Variants in SYT14 observed in about 807,000 individuals in gnomAD.
SYT14 encodes the protein synaptotagmin 14.
In SYT14, 32 loss-of-function variants were observed where a neutral mutation model predicts 74.2. The ratio of observed to expected loss-of-function variants is 0.43; its 90% confidence interval spans 0.33 to 0.58. The LOEUF is 0.58. Ranked by LOEUF, SYT14 falls within the 20% of genes least tolerant of loss-of-function variation. SYT14 has a pLI of 0.05. For synonymous variants in SYT14, 298 were observed against 337.7 expected (o/e 0.88, Z 1.29); for missense variants, 791 against 981.8 (o/e 0.81, Z 2.60).
chr1:210,095,765 C>G (rs948740411), intron 6 of SYT14, among the ~76,000 whole-genome samples: 11 of 152,050 alleles, frequency 7.2e-5, no homozygotes, highest in African/African-American at 2.4e-4. Context: ...TAAAACTACT[C>G]TGTATCTGTT....
chr1:209,958,117 AT>A (rs954767802), intron 2 of SYT14, among the ~76,000 whole-genome samples: 6 of 151,976 alleles, frequency 3.9e-5, no homozygotes, highest in African/African-American at 1.4e-4. Flanking sequence ...ACCTAATTTC[AT>A]TTTTTTAATG....
intron 2 of SYT14, among the ~76,000 whole-genome samples, chr1:209,977,244 T>C (rs1278206660): frequency 6.6e-6 from 1 of 152,208 alleles, no homozygotes; most frequent in Non-Finnish European, 1.5e-5. Flanking sequence ...TTTGATCCTG[T>C]CATTATGATG....
intron 7 of SYT14, among the ~76,000 whole-genome samples, chr1:210,117,176 A>T (rs1213652771): frequency 6.6e-6 from 1 of 152,132 alleles, no homozygotes; most frequent in African/African-American, 2.4e-5. Flanking sequence ...TTAATTTCTA[A>T]AATTCCTATG....
At chr1:209,945,396 T>G (rs116095703) in intron 1 of SYT14, among the ~76,000 whole-genome samples, 2,077 of 152,242 alleles carry the variant, frequency 0.014, 16 homozygotes, top group Middle Eastern at 0.041. Context: ...CCTTGAATGG[T>G]CTAATTAGGG....
chr1:209,978,285 T>A (rs1282154701), intron 2 of SYT14, among the ~76,000 whole-genome samples: 1 of 152,160 alleles, frequency 6.6e-6, no homozygotes, highest in Non-Finnish European at 1.5e-5. Flanking sequence ...GGCGCTCTGA[T>A]TTTTAGAGTT....
chr1:210,062,996 T>A (rs2081233066), intron 5 of SYT14, among the ~76,000 whole-genome samples: 1 of 149,584 alleles, frequency 6.7e-6, no homozygotes, highest in African/African-American at 2.5e-5. Context: ...AATATTAGCC[T>A]TTGTTGCATG....
intron 2 of SYT14, among the ~76,000 whole-genome samples, chr1:209,987,561 C>T (rs2079593333): frequency 6.6e-6 from 1 of 152,210 alleles, no homozygotes; most frequent in African/African-American, 2.4e-5. Flanking sequence ...TGTAAAGGAT[C>T]TTCCCCCATG....
chr1:209,952,680 T>C, intron 1 of SYT14, 29 bp from the exon 2 acceptor site: 2 of 1,575,660 alleles, frequency 1.3e-6, no homozygotes. Context: ...TTTCTATGTT[T>C]TTAACTTCCC....
intron 7 of SYT14, among the ~76,000 whole-genome samples, chr1:210,120,544 T>C (rs1558202540): frequency 6.6e-6 from 1 of 152,124 alleles, no homozygotes; most frequent in East Asian, 1.9e-4. Flanking sequence ...TACAGTTGCC[T>C]ACAGTGTTCA....
At chr1:210,019,648 T>C (rs779241356) in intron 4 of SYT14, among the ~76,000 whole-genome samples, 2 of 152,182 alleles carry the variant, frequency 1.3e-5, no homozygotes, top group African/African-American at 4.8e-5. Context: ...ACATATAACC[T>C]CCTTCTAACT....
intron 2 of SYT14, among the ~76,000 whole-genome samples, chr1:210,010,204 G>T (rs553586898): frequency 6.6e-6 from 1 of 152,240 alleles, no homozygotes; most frequent in African/African-American, 2.4e-5. Flanking sequence ...ATTTTTGGAT[G>T]ATATTCAAGG....
At position 210,110,725 on chromosome 1, in the gene SYT14, C is replaced by CTTTATAGAAATATATA. The variant is rs1308744142; in HGVS notation, c.2034+10279_2034+10280insATTTATAGAAATATAT. ...TTCACAAGTCTAATTTAAATCATATCTTTATAGAAATATATTAGATTGTTA... is the reference window on the plus strand; with the variant it reads ...TTCACAAGTCTAATTTAAATCATATCTTTATAGAAATATATATTTATAGAAATATATTAGATTGTTA... On this transcript the variant is annotated intron_variant, in intron 7 of 9. Transcript: ENST00000637265. Among the ~76,000 whole-genome samples the CTTTATAGAAATATATA allele has an allele frequency of 2.0e-4, 30 of 152,254 alleles. No homozygotes were observed. The East Asian group carries it at 5.8e-3, about 29-fold the overall frequency.
At chr1:209,994,625 A>T (rs1322415269) in intron 2 of SYT14, among the ~76,000 whole-genome samples, 1 of 152,198 alleles carries the variant, frequency 6.6e-6, no homozygotes, top group Non-Finnish European at 1.5e-5. Flanking sequence ...ATGTTAATCC[A>T]ATAAATACAG....
intron 2 of SYT14, among the ~76,000 whole-genome samples, chr1:209,980,298 G>A (rs1176606425): frequency 6.6e-6 from 1 of 151,606 alleles, no homozygotes; most frequent in African/African-American, 2.4e-5. Flanking sequence ...CTTTTTAATG[G>A]TTTTTTTCTT....
chr1:210,014,430 T>A (rs936932508), intron 3 of SYT14, among the ~76,000 whole-genome samples: 1 of 147,690 alleles, frequency 6.8e-6, no homozygotes, highest in Non-Finnish European at 1.5e-5. Flanking sequence ...TTTTTTTTTT[T>A]AATTACTACA....
intron 6 of SYT14, among the ~76,000 whole-genome samples, chr1:210,097,836 G>GT (rs939707020): frequency 2.0e-5 from 3 of 151,772 alleles, no homozygotes; most frequent in Admixed American, 6.6e-5. Context: ...TTCTTCTGTT[G>GT]TTTTTTTTCC....
exon 10 of SYT14, chr1:210,163,879 T>C (rs1374034472): frequency 2.2e-6 from 1 of 453,782 alleles, no homozygotes; most frequent in South Asian, 1.6e-5. Context: ...AATAGGGACC[T>C]ACTGGTAGGG....
At position 210,058,855 on chromosome 1, in the gene SYT14, G is replaced by C. The variant is rs150088637; in HGVS notation, c.1313-35467G>C. On this transcript the variant is annotated intron_variant, in intron 5 of 9. Transcript: ENST00000637265. ...AATGAAGTCATTCAAGGTGCTGGAT[G>C]GAGTAAAGAGGATTAAAAGTGCAGA... 5.4e-3 allele frequency among the ~76,000 whole-genome samples: 820 copies of C among 152,250 alleles called. 4 individuals carry two copies. Among genetic ancestry groups the C allele is most frequent in the African/African-American group, 0.018 (752 of 41,538 alleles).
At chr1:210,059,681 G>T (rs775601200) in intron 5 of SYT14, among the ~76,000 whole-genome samples, 2 of 151,788 alleles carry the variant, frequency 1.3e-5, no homozygotes, top group African/African-American at 4.8e-5. Flanking sequence ...TTGCACTAGG[G>T]GTCCATACTC....
Sources: gnomAD v4.1 joint callset for allele counts (sites outside exome capture counted in the v4.1 genomes callset) on GRCh38, gnomAD v4.1.1 for gene constraint, MANE v1.5 for transcripts, NCBI Gene and HGNC (gene_info 2026-07-23, HGNC 2026-07-21) for gene names.